FGF12: variants seen among roughly 807,000 people sequenced by gnomAD.
The protein encoded by FGF12 is fibroblast growth factor 12B.
In FGF12, 14 loss-of-function variants were observed where a neutral mutation model predicts 23.6. That is an observed-to-expected ratio of 0.59 (90% CI 0.39 to 0.93). The LOEUF is 0.93. Among genes scored for constraint, FGF12 ranks in the 40% least tolerant of loss-of-function variants. FGF12 has a pLI of 0.00. For missense variants in FGF12, 175 were observed against 217.8 expected (o/e 0.80, Z 1.24); for synonymous variants, 62 against 77.3 (o/e 0.80, Z 1.04).
chr3:192,228,770 A>G (rs1231633013), intron 4 of FGF12, among the ~76,000 whole-genome samples: 1 of 152,112 alleles, frequency 6.6e-6, no homozygotes, highest in Non-Finnish European at 1.5e-5. Context: ...ATATAAAAGA[A>G]TATCACTTGC....
intron 4 of FGF12, among the ~76,000 whole-genome samples, chr3:192,260,511 T>C (rs564275840): frequency 2.0e-5 from 3 of 152,300 alleles, no homozygotes; most frequent in East Asian, 1.9e-4. Flanking sequence ...ACCCAGCGGA[T>C]ACCATAATAC....
Position 192,396,416 on chromosome 3 carries a change from G to A in FGF12, c.14-35878C>T, listed in dbSNP as rs893698138. Among the ~76,000 whole-genome samples, 11 of 152,166 alleles carry A rather than the reference G, an allele frequency of 7.2e-5. No homozygotes were observed. In the East Asian group the frequency reaches 7.7e-4, roughly 11 times the overall value. On this transcript the variant is annotated intron_variant, in intron 2 of 5. Coordinates refer to ENST00000445105, the MANE Select transcript of FGF12 (RefSeq NM_004113.6). ...TTATATTGCTCCAGACACAGAACAG[G>A]CAGATAGCTCTTGCTACCAGCATTG...
chr3:192,617,721 G>T (rs977329482), intron 2 of FGF12, among the ~76,000 whole-genome samples: 3 of 152,074 alleles, frequency 2.0e-5, no homozygotes, highest in African/African-American at 7.2e-5. Flanking sequence ...TTTTGATAGT[G>T]CTAGTCCAAC....
At chr3:192,153,249 G>A (rs1714165244) in intron 5 of FGF12, among the ~76,000 whole-genome samples, 5 of 47,400 alleles carry the variant, frequency 1.1e-4, no homozygotes, top group African/African-American at 2.6e-4. Flanking sequence ...GCACACTGAT[G>A]GGTCTTGACT....
At chr3:192,707,744 C>CAAAAAAAAAAAAAA (rs780175053) in intron 2 of FGF12, among the ~76,000 whole-genome samples, 2 of 84,834 alleles carry the variant, frequency 2.4e-5, no homozygotes, top group African/African-American at 5.1e-5. Flanking sequence ...GACTCCTTCT[C>CAAAAAAAAAAAAAA]AAAAAAAAAA....
Position 192,696,033 on chromosome 3 carries a change from C to T in FGF12, c.13+31148G>A, listed in dbSNP as rs150690242. On this transcript the variant is annotated intron_variant, in intron 2 of 5. Coordinates refer to ENST00000445105, the MANE Select transcript of FGF12 (RefSeq NM_004113.6). Reference sequence around the variant, plus strand: ...AGAATCACTTGAATCCAGGAGGCAGCGGTTGCACTGAGCTGAGATCTCACT... The same window carrying T: ...AGAATCACTTGAATCCAGGAGGCAGTGGTTGCACTGAGCTGAGATCTCACT... 5.3e-5 allele frequency among the ~76,000 whole-genome samples: 8 copies of T among 152,092 alleles called. No homozygotes were observed. In the East Asian group the frequency reaches 1.5e-3, roughly 29 times the overall value.
At chr3:192,270,726 G>T (rs1273429260) in intron 4 of FGF12, among the ~76,000 whole-genome samples, 2 of 151,716 alleles carry the variant, frequency 1.3e-5, no homozygotes, top group Non-Finnish European at 2.9e-5. Context: ...ATGCTATGCT[G>T]AAATTTTTAA....
At chr3:192,284,824 G>A (rs574185139) in intron 4 of FGF12, among the ~76,000 whole-genome samples, 1 of 151,930 alleles carries the variant, frequency 6.6e-6, no homozygotes, top group African/African-American at 2.4e-5. Context: ...TAAGTTCCTG[G>A]AGTCACCTAG....
chr3:192,532,605 A>G (rs1344548895), intron 2 of FGF12, among the ~76,000 whole-genome samples: 3 of 152,070 alleles, frequency 2.0e-5, no homozygotes, highest in African/African-American at 7.2e-5. Context: ...TTTTGTACCA[A>G]ACTTTTGATG....
chr3:192,524,922 C>T (rs1231699234), intron 2 of FGF12, among the ~76,000 whole-genome samples: 3 of 152,024 alleles, frequency 2.0e-5, no homozygotes, highest in Non-Finnish European at 2.9e-5. Flanking sequence ...AAGGCTATTC[C>T]AGATAAAATG....
chr3:192,411,441 A>C (rs550842086), intron 2 of FGF12, among the ~76,000 whole-genome samples: 1 of 152,334 alleles, frequency 6.6e-6, no homozygotes, highest in South Asian at 2.1e-4. Flanking sequence ...GGCTGAATGA[A>C]GACAGTGGAT....
At chr3:192,582,885 A>T (rs2108615583) in intron 2 of FGF12, among the ~76,000 whole-genome samples, 1 of 152,104 alleles carries the variant, frequency 6.6e-6, no homozygotes, top group Non-Finnish European at 1.5e-5. Flanking sequence ...CCTTCCTCAC[A>T]TCCCTAGCCT....
At chr3:192,711,314 C>T (rs868188524) in intron 2 of FGF12, among the ~76,000 whole-genome samples, 9 of 148,038 alleles carry the variant, frequency 6.1e-5, no homozygotes, top group South Asian at 2.1e-4. Flanking sequence ...CAGCCAGCCG[C>T]CCCATCCGGG....
intron 3 of FGF12, among the ~76,000 whole-genome samples, chr3:192,351,206 A>G (rs1718205242): frequency 6.6e-6 from 1 of 152,204 alleles, no homozygotes; most frequent in South Asian, 2.1e-4. Context: ...CAGATCTATC[A>G]GAGATACTGG....
chr3:192,328,222 G>A lies in FGF12; in HGVS notation c.228+7139C>T, dbSNP rs568590005. 5.3e-5 allele frequency among the ~76,000 whole-genome samples: 8 copies of A among 152,302 alleles called. No individual in the cohort carries two copies. In the South Asian group the frequency reaches 1.7e-3, roughly 32 times the overall value. ...AAAAGAGGTGCAGCCATTGCCCTTG[G>A]TTTCTGGAAGGTAATTTGTGTTTTC... On this transcript the variant is annotated intron_variant, in intron 4 of 5. Transcript: ENST00000445105.
At position 192,574,793 on chromosome 3, in the gene FGF12, C is replaced by T. The variant is rs138824108; in HGVS notation, c.13+152388G>A. Among the ~76,000 whole-genome samples the T allele has an allele frequency of 1.6e-3, 237 of 152,324 alleles. 1 individual carries two copies. The highest frequency in any genetic ancestry group is 5.4e-3 in the African/African-American group (224 of 41,568). ...ATCTTTGGAAGTGACTCCTCCAGCCCAGTCAAACTTTCAGGTAACTGCACA... is the reference window on the plus strand; with the variant it reads ...ATCTTTGGAAGTGACTCCTCCAGCCTAGTCAAACTTTCAGGTAACTGCACA... On this transcript the variant is annotated intron_variant, in intron 2 of 5. Transcript: ENST00000445105.
intron 4 of FGF12, among the ~76,000 whole-genome samples, chr3:192,330,472 G>A (rs12632503): frequency 0.18 from 26,797 of 152,030 alleles, 2,556 homozygotes; most frequent in East Asian, 0.28. Flanking sequence ...AATGGAGAAA[G>A]GTTAGCCTCT....
intron 2 of FGF12, among the ~76,000 whole-genome samples, chr3:192,544,928 G>C (rs975790714): frequency 6.6e-6 from 1 of 152,122 alleles, no homozygotes; most frequent in African/African-American, 2.4e-5. Context: ...GGCAATCGCC[G>C]CAACTACTTT....
chr3:192,279,260 T>C (rs959340887), intron 4 of FGF12, among the ~76,000 whole-genome samples: 2 of 126,154 alleles, frequency 1.6e-5, no homozygotes, highest in East Asian at 4.3e-4. Flanking sequence ...ATATAAAATG[T>C]ACATTCCCAT....
Sources: allele counts gnomAD v4.1 joint callset (sites outside exome capture counted in the v4.1 genomes callset), GRCh38; gene constraint gnomAD v4.1.1; transcripts MANE v1.5; gene names NCBI Gene and HGNC (gene_info 2026-07-23, HGNC 2026-07-21).